Variants in LRMDA observed in about 807,000 individuals in gnomAD.
LRMDA encodes the protein leucine rich melanocyte differentiation associated, also known as leucine-rich melanocyte differentiation-associated protein.
In LRMDA, 18 loss-of-function variants were observed where a neutral mutation model predicts 29.8. The observed-to-expected ratio is 0.60, with a 90% CI of 0.42 to 0.90. The LOEUF (loss-of-function observed/expected upper bound fraction) is 0.90. Ranked by LOEUF, LRMDA falls within the 40% of genes least tolerant of loss-of-function variation. LRMDA has a pLI of 0.00. For synonymous variants in LRMDA, 125 were observed against 109.4 expected (o/e 1.14, Z -0.89); for missense variants, 273 against 273.9 (o/e 1.00, Z 0.02).
At chr10:75,792,947 T>C (rs4746332) in intron 2 of LRMDA, among the ~76,000 whole-genome samples, 120,202 of 152,076 alleles carry the variant, frequency 0.79, 47,970 homozygotes, top group East Asian at 0.96. Flanking sequence ...ATGATAGCAG[T>C]GGTTGGGGTA....
chr10:76,221,533 A>G (rs968113070), intron 5 of LRMDA, among the ~76,000 whole-genome samples: 2 of 152,254 alleles, frequency 1.3e-5, no homozygotes, highest in African/African-American at 4.8e-5. Flanking sequence ...TTCAAAGAGA[A>G]TAAAATACCT....
chr10:75,885,486 A>G (rs1217378831), intron 2 of LRMDA, among the ~76,000 whole-genome samples: 2 of 152,208 alleles, frequency 1.3e-5, no homozygotes, highest in African/African-American at 4.8e-5. Flanking sequence ...ATGTTCTGTA[A>G]CTAAGGAGGC....
At chr10:75,521,652 C>G (rs1306598132) in intron 2 of LRMDA, among the ~76,000 whole-genome samples, 2 of 152,208 alleles carry the variant, frequency 1.3e-5, no homozygotes, top group African/African-American at 2.4e-5. Context: ...ATCCCCTGAC[C>G]CTTTGCACTT....
At chr10:76,476,906 T>TCTCAATTTATCTCA (rs1842679317) in intron 6 of LRMDA, among the ~76,000 whole-genome samples, 1 of 152,122 alleles carries the variant, frequency 6.6e-6, no homozygotes, top group Non-Finnish European at 1.5e-5. Context: ...TATCTCAAAA[T>TCTCAATTTATCTCA]AATAAGAGCT....
In LRMDA at chr10:76,299,500, G is replaced by A. The variant is rs764326557; in HGVS notation, c.517-24901G>A. Among the ~76,000 whole-genome samples, 20 of 152,156 alleles carry A rather than the reference G, an allele frequency of 1.3e-4. No individual in the cohort carries two copies. The Middle Eastern group carries it at 0.01, about 78-fold the overall frequency. On this transcript the variant is annotated intron_variant, in intron 5 of 6. Coordinates refer to ENST00000611255, the MANE Select transcript of LRMDA (RefSeq NM_001305581.2). ...TACAGAAGCTAAACTTTGGGAAGAG[G>A]TCAGATGTGGAATCCGTGCTCCCTT...
chr10:76,539,596 A>G (rs889299878), intron 6 of LRMDA, among the ~76,000 whole-genome samples: 1 of 152,126 alleles, frequency 6.6e-6, no homozygotes, highest in Non-Finnish European at 1.5e-5. Flanking sequence ...GGCCTGAGCA[A>G]TCCCTCCTTT....
At chr10:75,853,894 G>T (rs549848744) in intron 2 of LRMDA, among the ~76,000 whole-genome samples, 1 of 152,254 alleles carries the variant, frequency 6.6e-6, no homozygotes, top group East Asian at 1.9e-4. Context: ...TGTTGTTGGA[G>T]AAGGTTGGTG....
At chr10:75,761,070 G>A (rs529441862) in intron 2 of LRMDA, among the ~76,000 whole-genome samples, 15 of 152,310 alleles carry the variant, frequency 9.8e-5, no homozygotes, top group African/African-American at 3.4e-4. Flanking sequence ...GTTCTTGTCT[G>A]CATGGAACTC....
chr10:75,666,383 T>G (rs1372934741), intron 2 of LRMDA, among the ~76,000 whole-genome samples: 1 of 143,112 alleles, frequency 7.0e-6, no homozygotes, highest in Non-Finnish European at 1.5e-5. Flanking sequence ...TGAAATTATA[T>G]TTTAATTTTG....
chr10:76,143,766 C>A (rs1850254481), intron 5 of LRMDA, among the ~76,000 whole-genome samples: 1 of 152,104 alleles, frequency 6.6e-6, no homozygotes, highest in South Asian at 2.1e-4. Context: ...AAGTCCTTGC[C>A]CATGCCTATG....
rs988365499 is a variant in LRMDA, at chr10:76,114,438, C to G, written c.516+55655C>G. Reference sequence around the variant, plus strand: ...TAGAACTACCCCACCTTCCCAAGTCCTAGGCTTGGCTTCCACTTTTGGAAG... The same window carrying G: ...TAGAACTACCCCACCTTCCCAAGTCGTAGGCTTGGCTTCCACTTTTGGAAG... On this transcript the variant is annotated intron_variant, in intron 5 of 6. Transcript: ENST00000611255. Among the ~76,000 whole-genome samples, 3 of 152,198 alleles carry G rather than the reference C, an allele frequency of 2.0e-5. No homozygotes were observed. In the South Asian group the frequency reaches 6.2e-4, roughly 32 times the overall value.
intron 2 of LRMDA, among the ~76,000 whole-genome samples, chr10:75,891,291 C>A (rs1294753794): frequency 6.6e-6 from 1 of 152,184 alleles, no homozygotes; most frequent in Non-Finnish European, 1.5e-5. Flanking sequence ...CCCTTGCTAC[C>A]ACAAGTGTAG....
chr10:75,726,512 A>C (rs1589173007), intron 2 of LRMDA, among the ~76,000 whole-genome samples: 1 of 152,318 alleles, frequency 6.6e-6, no homozygotes, highest in South Asian at 2.1e-4. Flanking sequence ...GTTATGCCTG[A>C]GTGGTTTTTA....
rs377646331 is a variant in LRMDA at position 75,461,380 on chromosome 10, T to A, written c.131+22886T>A. 1.6e-4 allele frequency among the ~76,000 whole-genome samples: 24 copies of A among 152,340 alleles called. 1 individual carries two copies. The Middle Eastern group carries it at 0.01, about 65-fold the overall frequency. ...CTCCTCTTTAATGAAGGTCTTCTTT[T>A]TTCAGAGGTGGAAGGCAGGAAAAAA... On this transcript the variant is annotated intron_variant, in intron 2 of 6. Coordinates refer to ENST00000611255, the MANE Select transcript of LRMDA (RefSeq NM_001305581.2).
chr10:75,536,346 T>C (rs1839945218), intron 2 of LRMDA, among the ~76,000 whole-genome samples: 1 of 152,200 alleles, frequency 6.6e-6, no homozygotes, highest in East Asian at 1.9e-4. Context: ...GTGCTTGTCC[T>C]GTGTGTCCCC....
At chr10:76,369,789 T>A (rs1841431947) in intron 6 of LRMDA, among the ~76,000 whole-genome samples, 1 of 152,130 alleles carries the variant, frequency 6.6e-6, no homozygotes, top group Admixed American at 6.6e-5. Flanking sequence ...AACCTGGGAA[T>A]TTCCTTTCAT....
intron 5 of LRMDA, among the ~76,000 whole-genome samples, chr10:76,068,177 C>A (rs1848815604): frequency 6.6e-6 from 1 of 152,172 alleles, no homozygotes; most frequent in African/African-American, 2.4e-5. Context: ...TTCCAAACCA[C>A]CTGCTACTAT....
intron 2 of LRMDA, among the ~76,000 whole-genome samples, chr10:75,770,035 A>G (rs1470503223): frequency 6.6e-6 from 1 of 152,054 alleles, no homozygotes; most frequent in Non-Finnish European, 1.5e-5. Flanking sequence ...TAATCCCAGA[A>G]CTTTGGGAGG....
chr10:76,261,687 A>G (rs1839946369), intron 5 of LRMDA, among the ~76,000 whole-genome samples: 1 of 152,192 alleles, frequency 6.6e-6, no homozygotes, highest in South Asian at 2.1e-4. Context: ...GCCTTCAATA[A>G]TGGGTCTGCA....
Sources: allele counts gnomAD v4.1 joint callset (sites outside exome capture counted in the v4.1 genomes callset), GRCh38; gene constraint gnomAD v4.1.1; transcripts MANE v1.5; gene names NCBI Gene and HGNC (gene_info 2026-07-23, HGNC 2026-07-21).